Variants in FIBCD1 observed in about 807,000 individuals in gnomAD.
The protein encoded by FIBCD1 is fibrinogen C domain containing 1, also known as fibrinogen C domain-containing protein 1.
FIBCD1 carries 47 observed loss-of-function variants against 45.1 expected under a neutral mutation model. The observed-to-expected ratio is 1.04, with a 90% CI of 0.82 to 1.33. The LOEUF is 1.33. Among genes scored for constraint, FIBCD1 ranks in the 40% most tolerant of loss-of-function variants. FIBCD1 has a pLI of 0.00. For missense variants in FIBCD1, 653 were observed against 682.2 expected (o/e 0.96, Z 0.48); for synonymous variants, 313 against 308.1 (o/e 1.02, Z -0.17).
In FIBCD1 at chr9:130,929,934, G is replaced by A. The variant is rs1217839714; in HGVS notation, c.185C>T (p.Thr62Met). ...LFLNHAHAPG[T>M]APPPVVSTGA... is the part of the protein sequence containing the mutation. ...AGTGCTGACGACAGGTGGGGGCGCC[G>A]TGCCCGGCGCGTGGGCGTGGTTCAG... The change falls in exon 2 of 7, where the codon ACG (threonine) becomes ATG (methionine). Residue 62 changes from threonine to methionine, a missense_variant. Transcript: ENST00000372338. The A allele has an allele frequency of 2.1e-5, 33 of 1,548,910 alleles. No individual in the cohort carries two copies. Among genetic ancestry groups the A allele is most frequent in the African/African-American group, 4.1e-5 (3 of 73,052 alleles).
At chr9:130,936,582 CTGGAGGCCTTGA>C (rs1766980281) in intron 1 of FIBCD1, among the ~76,000 whole-genome samples, 2 of 152,254 alleles carry the variant, frequency 1.3e-5, no homozygotes, top group African/African-American at 4.8e-5. Flanking sequence ...GGGGCCCGGC[CTGGAGGCCTTGA>C]AGCCACATTT....
In FIBCD1 at chr9:130,915,972, A is replaced by G. The variant is rs555038976; in HGVS notation, c.850-4084T>C. Among the ~76,000 whole-genome samples, 460 of 152,270 alleles carry G rather than the reference A, an allele frequency of 3.0e-3. 1 individual carries two copies. The highest frequency in any genetic ancestry group is 4.0e-3 in the Non-Finnish European group (275 of 68,014). ...TTTTGACACAGAGTGTTACTCTGTC[A>G]CCCAGGCAGTGCGGTGGCACGATCT... On this transcript the variant is annotated intron_variant, in intron 4 of 6. Transcript: ENST00000372338.
At chr9:130,913,792 C>T (rs1832108821) in intron 4 of FIBCD1, among the ~76,000 whole-genome samples, 1 of 152,182 alleles carries the variant, frequency 6.6e-6, no homozygotes, top group Admixed American at 6.5e-5. Context: ...GAGCCTGTTT[C>T]CGCAGGAGGA....
chr9:130,910,963 T>C (rs1030029209), intron 5 of FIBCD1, among the ~76,000 whole-genome samples: 4 of 152,188 alleles, frequency 2.6e-5, no homozygotes, highest in Admixed American at 6.5e-5. Context: ...TCAGGGATTG[T>C]AAACGCACCA....
intron 5 of FIBCD1, among the ~76,000 whole-genome samples, chr9:130,910,629 G>T (rs12684482): frequency 0.21 from 32,001 of 152,060 alleles, 3,844 homozygotes; most frequent in East Asian, 0.51. Context: ...CTAGCTCAGG[G>T]ATTGTAAATA....
At chr9:130,904,829 G>A (rs531715150) in intron 6 of FIBCD1, among the ~76,000 whole-genome samples, 4 of 152,358 alleles carry the variant, frequency 2.6e-5, no homozygotes, top group African/African-American at 9.6e-5. Flanking sequence ...GAGGCAAGCA[G>A]CCTTGACCCT....
At chr9:130,910,473 G>C (rs10119251) in intron 5 of FIBCD1, among the ~76,000 whole-genome samples, 58,736 of 152,128 alleles carry the variant, frequency 0.39, 13,349 homozygotes, top group African/African-American at 0.62. Flanking sequence ...CACAGCGCCC[G>C]GTCCCATCGA....
rs545619740 is a variant in FIBCD1 at position 130,922,278 on chromosome 9, G to A, written c.849+1466C>T. ...GTGGGGTTCTCACCGGCCCACCCCC[G>A]GGCCTGGTCTGGGGTCTCTGTTCCT... On this transcript the variant is annotated intron_variant, in intron 4 of 6. Transcript: ENST00000372338. The surrounding 1 kb of genome is among the most constrained non-coding windows in gnomAD (Gnocchi z 4.5). 5.9e-4 allele frequency among the ~76,000 whole-genome samples: 89 copies of A among 152,130 alleles called. No homozygotes were observed. The highest frequency in any genetic ancestry group is 1.1e-3 in the Non-Finnish European group (72 of 67,996).
At chr9:130,911,589 G>A (rs897798442) in intron 5 of FIBCD1, among the ~76,000 whole-genome samples, 1 of 152,204 alleles carries the variant, frequency 6.6e-6, no homozygotes, top group East Asian at 1.9e-4. Flanking sequence ...GCCCACCCAC[G>A]CTGACACTTC....
Position 130,924,404 on chromosome 9 carries a change from G to A in FIBCD1, c.553-8C>T, listed in dbSNP as rs1287099289. On this transcript the variant is annotated splice_region_variant and splice_polypyrimidine_tract_variant and intron_variant, in intron 2 of 6. Transcript: ENST00000372338. ...CTGGCTCTCAGAGAGAAGCTGCGGAGCACAGGGGGTGAGCCGAGGGGGCAG... is the reference window on the plus strand; with the variant it reads ...CTGGCTCTCAGAGAGAAGCTGCGGAACACAGGGGGTGAGCCGAGGGGGCAG... 3 of 1,604,202 alleles carry A rather than the reference G, an allele frequency of 1.9e-6. No individual in the cohort carries two copies. The highest frequency in any genetic ancestry group is 4.5e-5 in the East Asian group (2 of 44,554).
intron 4 of FIBCD1, among the ~76,000 whole-genome samples, chr9:130,914,048 C>T (rs529649138): frequency 8.2e-4 from 125 of 152,326 alleles, no homozygotes; most frequent in Middle Eastern, 6.8e-3. Flanking sequence ...GCAGAGATCA[C>T]AGCCACGCCT....
chr9:130,911,478 A>G (rs1036359728), intron 5 of FIBCD1, among the ~76,000 whole-genome samples: 2 of 152,144 alleles, frequency 1.3e-5, no homozygotes, highest in Non-Finnish European at 2.9e-5. Flanking sequence ...CCACCTGCCC[A>G]AGCTGGCTTG....
In FIBCD1 at chr9:130,904,190, A is replaced by G. The variant is rs769624598; in HGVS notation, c.1260T>C (p.Asn420=). The G allele has an allele frequency of 4.2e-5, 67 of 1,613,700 alleles. No individual in the cohort carries two copies. The highest frequency in any genetic ancestry group is 3.0e-4 in the South Asian group (27 of 91,076). ...CGTGCGCACCGCGCAGGTACTGCCC[A>G]TTGAGGTTGGACGTGTGGCAGTTGC... The part of the protein sequence containing the change: ...WYRNCHTSNL[N]GQYLRGAHAS... Residue 420 remains asparagine, a synonymous_variant, in exon 7 of 7, where the codon AAT becomes AAC. Transcript: ENST00000372338.
intron 4 of FIBCD1, among the ~76,000 whole-genome samples, chr9:130,914,628 A>G (rs1452829989): frequency 6.6e-6 from 1 of 152,200 alleles, no homozygotes; most frequent in Non-Finnish European, 1.5e-5. Flanking sequence ...GCCTCTTCCT[A>G]AAGGCTCAGA....
In FIBCD1 at chr9:130,929,804, G is replaced by A. The variant is rs746824218; in HGVS notation, c.315C>T (p.Phe105=). 4.5e-5 allele frequency: 70 copies of A among 1,551,526 alleles called. No homozygotes were observed. The Admixed American group carries it at 8.6e-4, about 19-fold the overall frequency. ...AGGCCTGGGCGCTCTCCAGGCGTGC[G>A]AAGCTGTCGGTGAGGTCGGGGCAGC... The part of the protein sequence containing the change: ...DPRCPDLTDS[F]ARLESAQASV... The change falls in exon 2 of 7, where the codon TTC becomes TTT. Residue 105 remains phenylalanine (F), a synonymous_variant. Coordinates refer to ENST00000372338, the MANE Select transcript of FIBCD1 (RefSeq NM_032843.5).
At chr9:130,907,240 G>A (rs576687554) in intron 5 of FIBCD1, among the ~76,000 whole-genome samples, 25 of 149,698 alleles carry the variant, frequency 1.7e-4, no homozygotes, top group African/African-American at 5.1e-4. Context: ...CCCGGGGGCT[G>A]CTAGGCAGGA....
intron 4 of FIBCD1, among the ~76,000 whole-genome samples, chr9:130,912,689 A>G (rs1832080428): frequency 6.7e-6 from 1 of 148,612 alleles, no homozygotes; most frequent in African/African-American, 2.6e-5. Flanking sequence ...CCTGGGTGAT[A>G]GAGCAAAACT....
rs544798803 is a variant in FIBCD1, at chr9:130,926,143, C to T, written c.553-1747G>A. Among the ~76,000 whole-genome samples, 52 of 152,214 alleles carry T rather than the reference C, an allele frequency of 3.4e-4. No homozygotes were observed. Among genetic ancestry groups the T allele is most frequent in the Non-Finnish European group, 4.4e-4 (30 of 68,002 alleles). On this transcript the variant is annotated intron_variant, in intron 2 of 6. Coordinates refer to ENST00000372338, the MANE Select transcript of FIBCD1 (RefSeq NM_032843.5). The surrounding 1 kb of genome is among the most constrained non-coding windows in gnomAD (Gnocchi z 4.1). Reference sequence around the variant, plus strand: ...ACCCCAACCGGGGCAGGAGGGAAGACGGTAGGTGGGGGCCGCCGTGCGATG... The same window carrying T: ...ACCCCAACCGGGGCAGGAGGGAAGATGGTAGGTGGGGGCCGCCGTGCGATG...
chr9:130,934,383 G>A (rs941772422), intron 1 of FIBCD1, among the ~76,000 whole-genome samples: 5 of 152,294 alleles, frequency 3.3e-5, no homozygotes, highest in African/African-American at 1.2e-4. Context: ...AGCGGGAACC[G>A]CCATACCGCT....
Sources: gnomAD v4.1 joint callset for allele counts (sites outside exome capture counted in the v4.1 genomes callset) on GRCh38, gnomAD v4.1.1 for gene constraint, Gnocchi (gnomAD v3.1) non-coding constraint, MANE v1.5 for transcripts, NCBI Gene and HGNC (gene_info 2026-07-23, HGNC 2026-07-21) for gene names.